SLC14A2: variants seen among roughly 807,000 people sequenced by gnomAD.
SLC14A2 encodes the protein solute carrier family 14 member 2.
A neutral mutation model predicts 104.6 loss-of-function variants in SLC14A2; 91 were observed. The ratio of observed to expected loss-of-function variants is 0.87; its 90% confidence interval spans 0.73 to 1.04. The LOEUF (loss-of-function observed/expected upper bound fraction) is 1.04, where lower values mean the gene tolerates loss of function less well. Among genes scored for constraint, SLC14A2 ranks in the 50% least tolerant of loss-of-function variants. SLC14A2 has a pLI of 0.00. For synonymous variants in SLC14A2, 476 were observed against 466.4 expected (o/e 1.02, Z -0.27); for missense variants, 1,189 against 1,156.0 (o/e 1.03, Z -0.41).
At chr18:45,411,831 G>A (rs4416113) in intron 1 of SLC14A2, among the ~76,000 whole-genome samples, 28,204 of 151,934 alleles carry the variant, frequency 0.19, 4,029 homozygotes, top group African/African-American at 0.39. Context: ...ACAAAGGTCC[G>A]CAGCACCTAC....
chr18:45,540,498 T>A (rs1237695135), intron 2 of SLC14A2, among the ~76,000 whole-genome samples: 1 of 152,062 alleles, frequency 6.6e-6, no homozygotes, highest in African/African-American at 2.4e-5. Flanking sequence ...ATCCCAGCAC[T>A]TTGGGAGGCC....
intron 1 of SLC14A2, among the ~76,000 whole-genome samples, chr18:45,229,222 G>A (rs11082432): frequency 0.12 from 18,996 of 152,136 alleles, 1,404 homozygotes; most frequent in African/African-American, 0.21. Flanking sequence ...TGCTGATTTA[G>A]GTTCTGTAGT....
At chr18:45,642,795 AG>A (rs2045552997) in intron 8 of SLC14A2, among the ~76,000 whole-genome samples, 1 of 152,230 alleles carries the variant, frequency 6.6e-6, no homozygotes, top group African/African-American at 2.4e-5. Flanking sequence ...AGCCTGTACT[AG>A]CTCTTCGCTA....
intron 10 of SLC14A2, among the ~76,000 whole-genome samples, chr18:45,662,227 G>A (rs1020938889): frequency 5.9e-5 from 9 of 152,144 alleles, no homozygotes; most frequent in African/African-American, 1.7e-4. Context: ...GCTTGAATCC[G>A]GGAGGTGGAG....
At chr18:45,673,137 CCTG>C in intron 17 of SLC14A2, 90 bp downstream of exon 17, 2 of 1,169,892 alleles carry the variant, frequency 1.7e-6, no homozygotes. Flanking sequence ...CAACACTCCA[CCTG>C]CTGATTCCTG....
intron 1 of SLC14A2, among the ~76,000 whole-genome samples, chr18:45,281,903 C>T (rs1256368871): frequency 3.9e-5 from 6 of 152,194 alleles, no homozygotes; most frequent in Admixed American, 3.9e-4. Context: ...GGCTCAGTCT[C>T]TCACCTGCCT....
At chr18:45,476,739 A>G (rs1012567632) in intron 1 of SLC14A2, among the ~76,000 whole-genome samples, 4 of 151,926 alleles carry the variant, frequency 2.6e-5, no homozygotes, top group African/African-American at 4.8e-5. Context: ...TTGATCTTCA[A>G]TCTCTGATAT....
the SLC14A2 span, among the ~76,000 whole-genome samples, chr18:45,176,457 A>G: frequency 6.6e-6 from 1 of 152,144 alleles, no homozygotes; most frequent in Admixed American, 6.5e-5. Flanking sequence ...ATTTCCACAC[A>G]ATTAGTAGTC....
At chr18:45,204,837 A>G in the SLC14A2 span, among the ~76,000 whole-genome samples, 47 of 151,426 alleles carry the variant, frequency 3.1e-4, no homozygotes, top group African/African-American at 1.0e-3. Flanking sequence ...ACTTTCCCAG[A>G]GAAGGTACTT....
chr18:45,400,718 T>C (rs1367928285), intron 1 of SLC14A2, among the ~76,000 whole-genome samples: 1 of 152,236 alleles, frequency 6.6e-6, no homozygotes, highest in Admixed American at 6.5e-5. Context: ...TCATTCCTTC[T>C]ACAGTTATTG....
intron 1 of SLC14A2, among the ~76,000 whole-genome samples, chr18:45,414,749 AAAAAAAAAATATATATATATATAT>A (rs2086251887): frequency 1.6e-5 from 1 of 61,020 alleles, no homozygotes; most frequent in African/African-American, 8.4e-5. Flanking sequence ...GAGCGTAAAA[AAAAAAAAAATATATATATATATAT>A]ATATATATAT....
chr18:45,509,335 T>A (rs1282769529), intron 2 of SLC14A2, among the ~76,000 whole-genome samples: 1 of 152,092 alleles, frequency 6.6e-6, no homozygotes, highest in Non-Finnish European at 1.5e-5. Flanking sequence ...AATATCTGCT[T>A]GTCTCTCTTT....
In SLC14A2 at chr18:45,575,788, TC is replaced by T. The variant is rs945200008; in HGVS notation, c.-34-48842del. Among the ~76,000 whole-genome samples the T allele has an allele frequency of 9.2e-5, 13 of 141,490 alleles. No individual in the cohort carries two copies. In the East Asian group the frequency reaches 2.4e-3, roughly 26 times the overall value. The allele number at this position is 141,490 out of a possible 152,430, so 92.8% of individuals were successfully genotyped here. A position where few individuals can be genotyped will look rare whatever the true frequency, so the allele number is the denominator to read the frequency against. On this transcript the variant is annotated intron_variant, in intron 2 of 20. Transcript: ENST00000586448. ...TCTTTGAAAGCCTAGTTTGTCTTGT[TC>T]TTTTTTTTTTTTTTCTTCCCACTTT...
chr18:45,400,896 G>T (rs1216366240), intron 1 of SLC14A2, among the ~76,000 whole-genome samples: 1 of 152,170 alleles, frequency 6.6e-6, no homozygotes, highest in Non-Finnish European at 1.5e-5. Context: ...GCCAGAAGGA[G>T]CCCCTTCGAA....
intron 1 of SLC14A2, among the ~76,000 whole-genome samples, chr18:45,471,452 T>C (rs1247953959): frequency 1.3e-5 from 2 of 152,200 alleles, no homozygotes; most frequent in Non-Finnish European, 2.9e-5. Flanking sequence ...AAATATTTTA[T>C]TTTTGAAAAC....
chr18:45,519,635 C>T lies in SLC14A2; in HGVS notation c.-35+36313C>T, dbSNP rs573109326. On this transcript the variant is annotated intron_variant, in intron 2 of 20. Coordinates refer to the SLC14A2 transcript ENST00000586448. ...TTGGAAAAAGGGGGCAGAGTAAGCA[C>T]GAAGAAGGAGGAGAGAGCTCATATA... Among the ~76,000 whole-genome samples, 41 of 152,248 alleles carry T rather than the reference C, an allele frequency of 2.7e-4. 1 individual carries two copies. In the South Asian group the frequency reaches 6.4e-3, roughly 24 times the overall value.
In SLC14A2 at chr18:45,334,878, C is replaced by A. The variant is rs113326791; in HGVS notation, c.-125+121687C>A. On this transcript the variant is annotated intron_variant, in intron 1 of 20. Coordinates refer to the SLC14A2 transcript ENST00000586448. ...AACGCCTGCTGGCGGAGGGGTCTAC[C>A]CAGAAAGCCCTGTGTTCTGCCTGTC... Among the ~76,000 whole-genome samples, 858 of 152,276 alleles carry A rather than the reference C, an allele frequency of 5.6e-3. 6 individuals carry two copies. Among genetic ancestry groups the A allele is most frequent in the African/African-American group, 0.019 (805 of 41,538 alleles).
chr18:45,490,790 A>G (rs2042982763), intron 2 of SLC14A2, among the ~76,000 whole-genome samples: 1 of 152,244 alleles, frequency 6.6e-6, no homozygotes. Flanking sequence ...AAAGACAAAC[A>G]GCCCAACAGA....
intron 1 of SLC14A2, among the ~76,000 whole-genome samples, chr18:45,233,142 A>G (rs72904662): frequency 0.085 from 12,898 of 152,230 alleles, 721 homozygotes; most frequent in Non-Finnish European, 0.13. Context: ...CAACAATGGA[A>G]TCCACATATC....
Sources: allele counts gnomAD v4.1 joint callset (sites outside exome capture counted in the v4.1 genomes callset), GRCh38; gene constraint gnomAD v4.1.1; transcripts MANE v1.5; gene names NCBI Gene and HGNC (gene_info 2026-07-23, HGNC 2026-07-21).